Variants in SYNE2 observed in about 807,000 individuals in gnomAD.
The protein encoded by SYNE2 is spectrin repeat containing nuclear envelope protein 2, also known as nesprin-2.
A neutral mutation model predicts 856.3 loss-of-function variants in SYNE2; 431 were observed. The observed-to-expected ratio is 0.50, with a 90% CI of 0.47 to 0.55. The LOEUF is 0.55. Among genes scored for constraint, SYNE2 ranks in the 20% least tolerant of loss-of-function variants. The pLI, the probability that SYNE2 is intolerant of heterozygous loss-of-function variation, is 0.00. For synonymous variants in SYNE2, 2,923 were observed against 2,872.3 expected, an observed-to-expected ratio of 1.02 and a Z score of -0.56; for missense variants, 8,129 against 8,023.2, an observed-to-expected ratio of 1.01 and a Z score of -0.50.
intron 1 of SYNE2, among the ~76,000 whole-genome samples, chr14:63,823,511 C>T (rs1156701170): frequency 6.6e-6 from 1 of 151,916 alleles, no homozygotes; most frequent in African/African-American, 2.4e-5. Flanking sequence ...GAATTAACAC[C>T]TGTACTTCAC....
At chr14:64,026,958 A>T (rs1455102484) in intron 42 of SYNE2, among the ~76,000 whole-genome samples, 2 of 152,214 alleles carry the variant, frequency 1.3e-5, no homozygotes, top group African/African-American at 4.8e-5. Flanking sequence ...TATTTTAAGA[A>T]ATTCTTAAAT....
rs774559824 is a variant in SYNE2, at chr14:64,174,951, A to G, written c.17243A>G (p.Glu5748Gly). Residue 5748 changes from glutamate (E) to glycine (G), a missense_variant, in exon 95 of 116, where the codon GAA becomes GGA. Glu to Gly is a moderately conservative substitution (Grantham distance 98, BLOSUM62 -2). Transcript: ENST00000555002. ...TTCTCTTTTTTTTCTTAGAATAAAG[A>G]AATTCATTTTCAAAGGAGGCGAACT... ...RSLIHELKNK[E>G]IHFQRRRTTC... The G allele has an allele frequency of 6.2e-7, 1 of 1,614,062 alleles. No homozygotes were observed. Among genetic ancestry groups the G allele is most frequent in the Non-Finnish European group, 8.5e-7 (1 of 1,179,960 alleles).
At chr14:63,804,607 C>A (rs1269947564) in intron 1 of SYNE2, among the ~76,000 whole-genome samples, 2 of 152,170 alleles carry the variant, frequency 1.3e-5, no homozygotes, top group African/African-American at 4.8e-5. Flanking sequence ...AATTCTCCTG[C>A]CTCAGCCTCT....
intron 6 of SYNE2, among the ~76,000 whole-genome samples, chr14:63,948,838 G>A (rs868353803): frequency 4.1e-5 from 5 of 123,312 alleles, no homozygotes; most frequent in African/African-American, 6.0e-5. Context: ...CTTAATTTCC[G>A]AATATTTGGA....
intron 86 of SYNE2, among the ~76,000 whole-genome samples, 176 bp downstream of exon 86, chr14:64,158,971 A>G (rs946059979): frequency 6.6e-6 from 1 of 152,232 alleles, no homozygotes; most frequent in Non-Finnish European, 1.5e-5. Context: ...GAGCCAAATC[A>G]GTAAAACATT....
chr14:64,098,875 A>C, intron 63 of SYNE2, 54 bp downstream of exon 63: 1 of 1,557,184 alleles, frequency 6.4e-7, no homozygotes, highest in Non-Finnish European at 8.8e-7. Flanking sequence ...CTCTAAAAGA[A>C]GTCAATGAAA....
At chr14:64,095,116 A>G (rs1359232181) in intron 61 of SYNE2, 1 of 170,370 alleles carries the variant, frequency 5.9e-6, no homozygotes, top group East Asian at 1.9e-4. Context: ...GCACCCACCT[A>G]ATGGACAGAT....
chr14:64,121,922 C>G, intron 68 of SYNE2, 90 bp from the exon 69 acceptor site: 1 of 1,551,814 alleles, frequency 6.4e-7, no homozygotes, highest in Non-Finnish European at 8.8e-7. Context: ...GGAACTGGCT[C>G]AAAATTAGAT....
At chr14:64,068,879 AAAAAAG>A (rs1595288019) in intron 51 of SYNE2, among the ~76,000 whole-genome samples, 2 of 150,936 alleles carry the variant, frequency 1.3e-5, no homozygotes, top group Non-Finnish European at 2.9e-5. Flanking sequence ...AAAAAAAAAA[AAAAAAG>A]AGATTGTTCT....
intron 66 of SYNE2, among the ~76,000 whole-genome samples, chr14:64,118,205 G>A (rs997032271): frequency 6.6e-6 from 1 of 152,142 alleles, no homozygotes; most frequent in Non-Finnish European, 1.5e-5. Flanking sequence ...AATGATCATG[G>A]TGCTGGAATG....
chr14:63,853,523 G>A (rs1890926499), intron 1 of SYNE2, among the ~76,000 whole-genome samples: 1 of 151,644 alleles, frequency 6.6e-6, no homozygotes, highest in South Asian at 2.1e-4. Context: ...CCCCTCCCGG[G>A]CCCAGGCCCC....
At chr14:64,057,778 A>T (rs1033945997) in intron 49 of SYNE2, among the ~76,000 whole-genome samples, 2 of 152,168 alleles carry the variant, frequency 1.3e-5, no homozygotes, top group African/African-American at 4.8e-5. Context: ...CCTTGCCAGC[A>T]TTTATTATTG....
chr14:64,079,394 C>T (rs2097500245), intron 55 of SYNE2, among the ~76,000 whole-genome samples: 2 of 152,188 alleles, frequency 1.3e-5, no homozygotes, highest in African/African-American at 4.8e-5. Flanking sequence ...TTGTTCTAAT[C>T]TATGTCTTAA....
intron 14 of SYNE2, among the ~76,000 whole-genome samples, chr14:63,979,745 C>A (rs952914994): frequency 6.6e-5 from 10 of 152,212 alleles, no homozygotes; most frequent in Non-Finnish European, 4.4e-5. Flanking sequence ...ACTAAAAATA[C>A]AAAAATTAGC....
At chr14:63,925,148 G>C (rs2153384808) in intron 2 of SYNE2, among the ~76,000 whole-genome samples, 1 of 151,542 alleles carries the variant, frequency 6.6e-6, no homozygotes, top group East Asian at 2.0e-4. Context: ...AAAATAAATA[G>C]ATAGATAGAT....
intron 99 of SYNE2, among the ~76,000 whole-genome samples, chr14:64,201,917 C>T (rs1012595754): frequency 1.3e-5 from 2 of 152,228 alleles, no homozygotes; most frequent in Non-Finnish European, 2.9e-5. Flanking sequence ...TGGCTCACCT[C>T]GCTCTGCTTT....
intron 1 of SYNE2, among the ~76,000 whole-genome samples, chr14:63,824,638 C>CAAA (rs34659476): frequency 2.7e-4 from 35 of 129,614 alleles, no homozygotes; most frequent in South Asian, 9.8e-4. Context: ...GAATCTGTCT[C>CAAA]AAAAAAAAAA....
intron 109 of SYNE2, 113 bp from the exon 110 acceptor site, chr14:64,219,095 A>G: frequency 4.9e-6 from 4 of 822,470 alleles, no homozygotes; most frequent in Admixed American, 3.0e-5. Flanking sequence ...AATCCCCTAC[A>G]GTTTTTTTGT....
chr14:63,889,608 C>G lies in SYNE2; in HGVS notation c.-51-19490C>G, dbSNP rs1248078589. Reference sequence around the variant, plus strand: ...CTTTTTTTTTCAGCCTCTTGAGCAGCTGGAACCACAGATGCAGGCCATGAC... The same window carrying G: ...CTTTTTTTTTCAGCCTCTTGAGCAGGTGGAACCACAGATGCAGGCCATGAC... On this transcript the variant is annotated intron_variant, in intron 1 of 115. Transcript: ENST00000555002. 2.0e-5 allele frequency among the ~76,000 whole-genome samples: 3 copies of G among 151,900 alleles called. No homozygotes were observed. In the South Asian group the frequency reaches 6.2e-4, roughly 32 times the overall value.
Sources: allele counts gnomAD v4.1 joint callset (sites outside exome capture counted in the v4.1 genomes callset), GRCh38; gene constraint gnomAD v4.1.1; transcripts MANE v1.5; gene names NCBI Gene and HGNC (gene_info 2026-07-23, HGNC 2026-07-21).